Variants in ZER1 observed in about 807,000 individuals in gnomAD.
ZER1 encodes the protein zyg-11 related cell cycle regulator.
In ZER1, 11 loss-of-function variants were observed where a neutral mutation model predicts 78.8. The observed-to-expected ratio is 0.14, with a 90% CI of 0.09 to 0.23. The LOEUF is 0.23. ZER1 is among the 10% of genes least tolerant of loss of function. The pLI, the probability that ZER1 is intolerant of heterozygous loss-of-function variation, is 1.00. For missense variants in ZER1, 588 were observed against 996.9 expected, an observed-to-expected ratio of 0.59 and a Z score of 5.52; for synonymous variants, 400 against 407.0, an observed-to-expected ratio of 0.98 and a Z score of 0.21.
chr9:128,766,969 T>G (rs1344814263), intron 1 of ZER1, among the ~76,000 whole-genome samples: 1 of 150,420 alleles, frequency 6.6e-6, no homozygotes. Context: ...TGAGATGGAA[T>G]TTTGCTCTTG....
chr9:128,741,709 C>T, intron 10 of ZER1, 55 bp from the exon 11 acceptor site: 2 of 1,613,852 alleles, frequency 1.2e-6, no homozygotes, highest in Middle Eastern at 1.7e-4. Context: ...GGAGGGGGGC[C>T]CCTGACAAAA....
intron 8 of ZER1, among the ~76,000 whole-genome samples, chr9:128,743,893 CTTTTTT>C (rs35174986): frequency 2.6e-5 from 1 of 38,506 alleles, no homozygotes; most frequent in African/African-American, 1.1e-4. Context: ...ATGGCCCCTG[CTTTTTT>C]TTTTTTTTTT....
At chr9:128,743,028 C>G (rs762757113) in intron 8 of ZER1, among the ~76,000 whole-genome samples, 48 of 152,280 alleles carry the variant, frequency 3.2e-4, no homozygotes, top group Non-Finnish European at 6.3e-4. Flanking sequence ...GTCAGCACCC[C>G]GAAGTCCCCA....
chr9:128,731,343 A>G lies in ZER1; in HGVS notation c.2295T>C (p.Ser765=), dbSNP rs1338488606. 1.9e-6 allele frequency: 3 copies of G among 1,590,270 alleles called. No homozygotes were observed. In the South Asian group the frequency reaches 3.3e-5, roughly 18 times the overall value. ...SNFKEENMDT[S]R is the part of the protein sequence containing the mutation. ...GCCATGGGGACGGAGGCCTCTATCT[A>G]GACGTGTCCATGTTCTCCTCTTTAA... The change falls in exon 16 of 16, where the codon TCT becomes TCC. Residue 765 remains serine (S), a synonymous_variant. Coordinates refer to ENST00000291900, the MANE Select transcript of ZER1 (RefSeq NM_006336.4).
At chr9:128,757,800 A>G (rs1486630137) in intron 1 of ZER1, among the ~76,000 whole-genome samples, 1 of 152,174 alleles carries the variant, frequency 6.6e-6, no homozygotes, top group East Asian at 1.9e-4. Context: ...TGGGAATACA[A>G]TGGGAACAGT....
At chr9:128,742,811 C>G in intron 8 of ZER1, 66 bp from the exon 9 acceptor site, 1 of 1,486,678 alleles carries the variant, frequency 6.7e-7, no homozygotes, top group Non-Finnish European at 9.1e-7. Context: ...GCTCTAGGAA[C>G]TATCTAGAGG....
At position 128,755,642 on chromosome 9, in the gene ZER1, C is replaced by A; in HGVS notation, c.-77G>T. On this transcript the variant is annotated 5_prime_UTR_variant, in exon 2 of 16. An upstream start codon of the reference 5' UTR is lost. Coordinates refer to ENST00000291900, the MANE Select transcript of ZER1 (RefSeq NM_006336.4). The surrounding 1 kb of genome is among the most constrained non-coding windows in gnomAD (Gnocchi z 5.6). ...AGTGATTCCTGAATACTCACAGGAT[C>A]ATTGGCAGAGCCACTGCCTGGGGAG... 6.4e-7 allele frequency: 1 copy of A among 1,555,374 alleles called. No homozygotes were observed.
At chr9:128,735,757 CCTGG>C (rs58510818) in intron 13 of ZER1, among the ~76,000 whole-genome samples, 61,413 of 76,744 alleles carry the variant, frequency 0.8, 28,395 homozygotes, top group South Asian at 0.94. Context: ...GCACGTGTGA[CCTGG>C]TTTTTTTTTT....
At chr9:128,739,779 G>T (rs545584916) in intron 13 of ZER1, 152 bp downstream of exon 13, 2 of 910,444 alleles carry the variant, frequency 2.2e-6, no homozygotes, top group Non-Finnish European at 3.3e-6. Context: ...GCTCTGTGCT[G>T]TGTGCGGCTA....
Position 128,754,599 on chromosome 9 carries a change from G to A in ZER1, c.159-640C>T, listed in dbSNP as rs149990421. 3.4e-4 allele frequency among the ~76,000 whole-genome samples: 52 copies of A among 152,184 alleles called. No individual in the cohort carries two copies. The East Asian group carries it at 8.9e-3, about 26-fold the overall frequency. On this transcript the variant is annotated intron_variant, in intron 2 of 15. Transcript: ENST00000291900. This position sits in a 1 kb window ranked among gnomAD's most constrained non-coding sequence, Gnocchi z 4.3. ...CTGACCCACGGTAAATGCTCAGGAC[G>A]TTATTACAGGTCCACCTCTGTCCTC...
rs544612702 is a variant in ZER1, at chr9:128,761,090, G to A, written c.-94-5431C>T. On this transcript the variant is annotated intron_variant, in intron 1 of 15. Coordinates refer to ENST00000291900, the MANE Select transcript of ZER1 (RefSeq NM_006336.4). ...GAAGAATGGTGTGAACCCGGGAGGCGGAGCTTGCAGTGAGCCGAGATCGCG... is the reference window on the plus strand; with the variant it reads ...GAAGAATGGTGTGAACCCGGGAGGCAGAGCTTGCAGTGAGCCGAGATCGCG... Among the ~76,000 whole-genome samples, 14 of 149,558 alleles carry A rather than the reference G, an allele frequency of 9.4e-5. No homozygotes were observed. The East Asian group carries it at 2.9e-3, about 30-fold the overall frequency.
Position 128,733,455 on chromosome 9 carries a change from G to C in ZER1, c.2214C>G (p.Thr738=). The part of the protein sequence containing the change: ...PLLRDIIKMA[T]ARQETKEMAR... The stretch of plus-strand genomic sequence containing the variant: ...CCATTTCCTTGGTCTCCTGCCGTGC[G>C]GTCGCCATCTTAATTATGTCCCTCA... Residue 738 remains threonine, a synonymous_variant, in exon 15 of 16, where the codon ACC becomes ACG. Transcript: ENST00000291900. 2 of 1,613,868 alleles carry C rather than the reference G, an allele frequency of 1.2e-6. No homozygotes were observed. Among genetic ancestry groups the C allele is most frequent in the South Asian group, 1.1e-5 (1 of 91,006 alleles).
intron 14 of ZER1, among the ~76,000 whole-genome samples, chr9:128,734,300 G>A (rs1862982336): frequency 6.8e-6 from 1 of 146,670 alleles, no homozygotes; most frequent in African/African-American, 2.5e-5. Context: ...GGGTTCAAAC[G>A]ATTATTTTGT....
In ZER1 at chr9:128,738,026, T is replaced by A. The variant is rs537823424; in HGVS notation, c.2042+1905A>T. 5.8e-3 allele frequency among the ~76,000 whole-genome samples: 738 copies of A among 127,420 alleles called. No individual in the cohort carries two copies. In the Middle Eastern group the frequency reaches 0.066, roughly 11 times the overall value. The allele number at this position is 127,420 out of a possible 152,430, so 83.6% of individuals were successfully genotyped here. ...CCCTGTTTTGTTTTCTTGTTTTTTTTATTCATTTTTATTTTTATTTTTATT... is the reference window on the plus strand; with the variant it reads ...CCCTGTTTTGTTTTCTTGTTTTTTTAATTCATTTTTATTTTTATTTTTATT... On this transcript the variant is annotated intron_variant, in intron 13 of 15. Coordinates refer to ENST00000291900, the MANE Select transcript of ZER1 (RefSeq NM_006336.4).
chr9:128,747,077 T>C (rs1449668249), intron 8 of ZER1, among the ~76,000 whole-genome samples: 3 of 152,084 alleles, frequency 2.0e-5, no homozygotes. Flanking sequence ...CATGCTCCTG[T>C]AGTCCCAGCT....
At chr9:128,739,345 A>T (rs1863208477) in intron 13 of ZER1, among the ~76,000 whole-genome samples, 1 of 151,900 alleles carries the variant, frequency 6.6e-6, no homozygotes, top group Middle Eastern at 3.4e-3. Context: ...TACTAAAAAT[A>T]CAAAAAAATT....
Position 128,753,652 on chromosome 9 carries a change from G to T in ZER1, c.310-52C>A, listed in dbSNP as rs765524231. The T allele has an allele frequency of 4.5e-5, 71 of 1,590,802 alleles. No individual in the cohort carries two copies. Among genetic ancestry groups the T allele is most frequent in the Non-Finnish European group, 6.1e-5 (71 of 1,167,886 alleles). On this transcript the variant is annotated intron_variant, in intron 3 of 15. Transcript: ENST00000291900. This position sits in a 1 kb window ranked among gnomAD's most constrained non-coding sequence, Gnocchi z 7.5. ...ATCACCACCCTTGCCCCTTCCCCCGGCCCCAGGCCTTGCCCTGGGCTACAG... is the reference window on the plus strand; with the variant it reads ...ATCACCACCCTTGCCCCTTCCCCCGTCCCCAGGCCTTGCCCTGGGCTACAG...
Position 128,754,044 on chromosome 9 carries a change from C to G in ZER1, c.159-85G>C. 1.3e-6 allele frequency: 2 copies of G among 1,498,244 alleles called. No homozygotes were observed. Among genetic ancestry groups the G allele is most frequent in the Non-Finnish European group, 1.8e-6 (2 of 1,114,494 alleles). 92.8% of individuals were successfully genotyped at this position (1,498,244 alleles called of 1,614,324 possible). A position where few individuals can be genotyped will look rare whatever the true frequency, so the allele number is the denominator to read the frequency against. ...AAGCCAAGCCCTCCTCCCCCTGAAG[C>G]TTTCTTGGATCACCCCAAGTAGCAA... On this transcript the variant is annotated intron_variant, in intron 2 of 15. Coordinates refer to ENST00000291900, the MANE Select transcript of ZER1 (RefSeq NM_006336.4). This position sits in a 1 kb window ranked among gnomAD's most constrained non-coding sequence, Gnocchi z 4.3.
intron 15 of ZER1, among the ~76,000 whole-genome samples, chr9:128,731,610 C>T (rs1207705099): frequency 2.0e-5 from 3 of 152,186 alleles, no homozygotes; most frequent in Non-Finnish European, 4.4e-5. Flanking sequence ...AGCCATCCTC[C>T]GCTTCCTTCC....
Sources: allele counts gnomAD v4.1 joint callset (sites outside exome capture counted in the v4.1 genomes callset), GRCh38; gene constraint gnomAD v4.1.1; non-coding constraint Gnocchi (gnomAD v3.1); transcripts MANE v1.5; gene names NCBI Gene and HGNC (gene_info 2026-07-23, HGNC 2026-07-21).